SLC8A1: variants seen among roughly 807,000 people sequenced by gnomAD.
The protein encoded by SLC8A1 is solute carrier family 8 member A1, also known as sodium/calcium exchanger 1.
SLC8A1 carries 18 observed loss-of-function variants against 68.3 expected under a neutral mutation model. The observed-to-expected ratio is 0.26, with a 90% CI of 0.18 to 0.39. The LOEUF is 0.39. Among genes scored for constraint, SLC8A1 ranks in the 10% least tolerant of loss-of-function variants. SLC8A1 has a pLI of 1.00. For synonymous variants in SLC8A1, 475 were observed against 415.5 expected (o/e 1.14, Z -1.74); for missense variants, 985 against 1,156.7 (o/e 0.85, Z 2.15).
At chr2:40,377,997 C>T (rs1337888865) in intron 2 of SLC8A1, among the ~76,000 whole-genome samples, 1 of 152,098 alleles carries the variant, frequency 6.6e-6, no homozygotes, top group African/African-American at 2.4e-5. Context: ...AGAAAATTAT[C>T]CTGTACTCTT....
At chr2:40,229,152 C>T (rs2059339328) in intron 2 of SLC8A1, among the ~76,000 whole-genome samples, 2 of 152,038 alleles carry the variant, frequency 1.3e-5, no homozygotes. Flanking sequence ...AAGCTGTTTA[C>T]CTGGCTGCTG....
intron 2 of SLC8A1, among the ~76,000 whole-genome samples, chr2:40,274,284 G>A (rs746071951): frequency 7.3e-5 from 11 of 150,628 alleles, no homozygotes; most frequent in Admixed American, 4.7e-4. Context: ...TAAATGTATT[G>A]AGTAATCCGA....
intron 2 of SLC8A1, among the ~76,000 whole-genome samples, chr2:40,317,766 T>C (rs1220743512): frequency 6.6e-6 from 1 of 152,124 alleles, no homozygotes; most frequent in Non-Finnish European, 1.5e-5. Flanking sequence ...TATTCTTATC[T>C]GAAAATTATG....
At chr2:40,451,733 C>T (rs1044245640) in intron 1 of SLC8A1, among the ~76,000 whole-genome samples, 171 bp downstream of exon 1, 23 of 101,012 alleles carry the variant, frequency 2.3e-4, no homozygotes, top group Non-Finnish European at 3.9e-4. Flanking sequence ...GCGCACACAC[C>T]ACATCACACA....
intron 2 of SLC8A1, among the ~76,000 whole-genome samples, chr2:40,254,156 A>G (rs1184328270): frequency 1.3e-5 from 2 of 151,746 alleles, no homozygotes; most frequent in Non-Finnish European, 2.9e-5. Flanking sequence ...AAATATTTAT[A>G]ATCATTATGT....
chr2:40,206,819 ATCT>A (rs1449257110), intron 2 of SLC8A1, among the ~76,000 whole-genome samples: 1 of 152,062 alleles, frequency 6.6e-6, no homozygotes, highest in East Asian at 1.9e-4. Flanking sequence ...TAATTGCAAT[ATCT>A]TCTTAAGAGC....
At chr2:40,282,049 C>T (rs545388757) in intron 2 of SLC8A1, among the ~76,000 whole-genome samples, 9 of 152,274 alleles carry the variant, frequency 5.9e-5, no homozygotes, top group South Asian at 4.2e-4. Context: ...CACACAAGAG[C>T]GTACCTTTAA....
chr2:40,247,434 A>ATGTGTG (rs3059492), intron 2 of SLC8A1, among the ~76,000 whole-genome samples: 2,159 of 150,720 alleles, frequency 0.014, 58 homozygotes, highest in African/African-American at 0.05. Context: ...CAGCATATAT[A>ATGTGTG]TGTGTGTGTG....
At chr2:40,302,293 C>T (rs938311505) in intron 2 of SLC8A1, among the ~76,000 whole-genome samples, 4 of 152,066 alleles carry the variant, frequency 2.6e-5, no homozygotes, top group African/African-American at 9.6e-5. Context: ...ATCCTCATAG[C>T]TTAGCTCCCA....
intron 2 of SLC8A1, among the ~76,000 whole-genome samples, chr2:40,326,789 G>A (rs983245305): frequency 3.2e-4 from 49 of 152,158 alleles, no homozygotes; most frequent in African/African-American, 1.2e-3. Context: ...GAGGGCCTGT[G>A]TTTTAAGTAT....
chr2:40,232,533 C>T (rs17570920), intron 2 of SLC8A1, among the ~76,000 whole-genome samples: 3,643 of 149,932 alleles, frequency 0.024, 74 homozygotes, highest in Middle Eastern at 0.042. Context: ...CTTACATCCT[C>T]ACATTGAATG....
exon 8 of SLC8A1, chr2:40,112,632 A>C (rs571842232): frequency 2.0e-5 from 3 of 149,464 alleles, no homozygotes; most frequent in African/African-American, 7.5e-5. Flanking sequence ...TGGTGCTTCT[A>C]GGCTAGCTTT....
At chr2:40,198,508 C>G (rs114919373) in intron 2 of SLC8A1, among the ~76,000 whole-genome samples, 1,599 of 151,900 alleles carry the variant, frequency 0.011, 30 homozygotes, top group African/African-American at 0.036. Flanking sequence ...ATTTCAGTTG[C>G]TATAAGAAAA....
intron 1 of SLC8A1, among the ~76,000 whole-genome samples, chr2:40,477,404 C>T (rs144810857): frequency 2.7e-4 from 41 of 152,198 alleles, no homozygotes; most frequent in African/African-American, 9.9e-4. Context: ...TAAAATGATC[C>T]ACCTACTCCT....
Position 40,429,361 on chromosome 2 carries a change from G to A in SLC8A1, c.920C>T (p.Ala307Val), listed in dbSNP as rs761052808. 1.5e-5 allele frequency: 25 copies of A among 1,613,604 alleles called. No individual in the cohort carries two copies. Among genetic ancestry groups the A allele is most frequent in the Non-Finnish European group, 1.9e-5 (23 of 1,179,906 alleles). Residue 307 changes from alanine to valine, a missense_variant, in exon 2 of 8, where the codon GCT (alanine) becomes GTT (valine). Physicochemically the swap from Ala to Val is moderately conservative, Grantham distance 64. Transcript: ENST00000406785. ...CCTCTCATCCACCTCCAGAACCAGA[G>A]CACCATCTAAGAAATTTTCAACATG...
chr2:40,440,121 T>C (rs1190795917), intron 1 of SLC8A1, among the ~76,000 whole-genome samples: 1 of 152,016 alleles, frequency 6.6e-6, no homozygotes, highest in Admixed American at 6.6e-5. Flanking sequence ...AAATACATGG[T>C]TTTTCTCTAC....
intron 2 of SLC8A1, among the ~76,000 whole-genome samples, chr2:40,201,891 A>G (rs2054440136): frequency 1.3e-5 from 2 of 152,006 alleles, no homozygotes; most frequent in Non-Finnish European, 2.9e-5. Flanking sequence ...TTCTCAGAGC[A>G]TTCTCTAGCT....
intron 7 of SLC8A1, among the ~76,000 whole-genome samples, chr2:40,132,939 G>A (rs1397249758): frequency 1.3e-5 from 2 of 152,110 alleles, no homozygotes; most frequent in Non-Finnish European, 2.9e-5. Context: ...ATTTTCTGGT[G>A]TTTTCTATTC....
At chr2:40,351,490 T>C (rs1027466313) in intron 2 of SLC8A1, among the ~76,000 whole-genome samples, 6 of 151,844 alleles carry the variant, frequency 4.0e-5, no homozygotes, top group Non-Finnish European at 7.4e-5. Flanking sequence ...TGTCTGCCCC[T>C]CCTGTGATGC....
Sources: allele counts gnomAD v4.1 joint callset (sites outside exome capture counted in the v4.1 genomes callset), GRCh38; gene constraint gnomAD v4.1.1; transcripts MANE v1.5; gene names NCBI Gene and HGNC (gene_info 2026-07-23, HGNC 2026-07-21).